The following CDH4 variants were observed in gnomAD, a reference collection of about 807,000 sequenced individuals.
The protein encoded by CDH4 is cadherin 4.
CDH4 carries 33 observed loss-of-function variants against 86.0 expected under a neutral mutation model. The ratio of observed to expected loss-of-function variants is 0.38; its 90% confidence interval spans 0.29 to 0.51. The LOEUF is 0.51. Among genes scored for constraint, CDH4 ranks in the 20% least tolerant of loss-of-function variants. CDH4 has a pLI of 0.86. For synonymous variants in CDH4, 555 were observed against 549.4 expected (o/e 1.01, Z -0.14); for missense variants, 1,114 against 1,307.4 (o/e 0.85, Z 2.28).
chr20:61,259,933 A>T (rs1465136067), intron 2 of CDH4, among the ~76,000 whole-genome samples: 1 of 152,164 alleles, frequency 6.6e-6, no homozygotes. Flanking sequence ...CTCAGATGTG[A>T]TGGCTGAGGG....
chr20:61,681,777 G>A lies in CDH4; in HGVS notation c.170-61786G>A, dbSNP rs956172644. ...TCGGTGTTGCTGTGTTCTCAGGCCCGTGCAGCTGACATTCCTTTGGCTTCC... is the reference window on the plus strand; with the variant it reads ...TCGGTGTTGCTGTGTTCTCAGGCCCATGCAGCTGACATTCCTTTGGCTTCC... On this transcript the variant is annotated intron_variant, in intron 2 of 15. Transcript: ENST00000614565. The surrounding 1 kb of genome is among the most constrained non-coding windows in gnomAD (Gnocchi z 4.5). Among the ~76,000 whole-genome samples the A allele has an allele frequency of 2.0e-5, 3 of 152,214 alleles. No individual in the cohort carries two copies. Among genetic ancestry groups the A allele is most frequent in the Admixed American group, 6.5e-5 (1 of 15,282 alleles).
chr20:61,798,291 A>C (rs1979652089), intron 4 of CDH4, among the ~76,000 whole-genome samples: 2 of 151,080 alleles, frequency 1.3e-5, no homozygotes, highest in Non-Finnish European at 2.9e-5. Context: ...CCCGCCTCGC[A>C]CGCATCCCCG....
chr20:61,694,020 G>A (rs1369812960), intron 2 of CDH4, among the ~76,000 whole-genome samples: 2 of 150,764 alleles, frequency 1.3e-5, no homozygotes, highest in Non-Finnish European at 2.9e-5. Flanking sequence ...AGCCTCCCGA[G>A]TAGGTGGGAT....
At chr20:61,881,248 C>T (rs998698662) in intron 7 of CDH4, among the ~76,000 whole-genome samples, 3 of 152,196 alleles carry the variant, frequency 2.0e-5, no homozygotes, top group Non-Finnish European at 4.4e-5. Flanking sequence ...CACGTGCACA[C>T]GGGGTGATCT....
chr20:61,554,816 G>A (rs141379470), intron 2 of CDH4, among the ~76,000 whole-genome samples: 11 of 152,372 alleles, frequency 7.2e-5, no homozygotes, highest in South Asian at 6.2e-4. Flanking sequence ...ATGCACATGC[G>A]TGTGAGAGTA....
chr20:61,565,111 T>TC (rs2145693530), intron 2 of CDH4, among the ~76,000 whole-genome samples: 1 of 129,894 alleles, frequency 7.7e-6, no homozygotes, highest in Non-Finnish European at 1.7e-5. Context: ...CTCTTGGTGG[T>TC]GCTGGTGCTC....
intron 2 of CDH4, among the ~76,000 whole-genome samples, chr20:61,443,100 G>C (rs1339794460): frequency 1.3e-5 from 2 of 152,190 alleles, no homozygotes; most frequent in Non-Finnish European, 2.9e-5. Context: ...TCATTTGTTT[G>C]TTGTTTTTTA....
Position 61,269,077 on chromosome 20 carries a change from TGAG to T in CDH4, c.169+14142_169+14144del, listed in dbSNP as rs1414163808. On this transcript the variant is annotated intron_variant, in intron 2 of 15. Coordinates refer to ENST00000614565, the MANE Select transcript of CDH4 (RefSeq NM_001794.5). The surrounding 1 kb of genome is among the most constrained non-coding windows in gnomAD (Gnocchi z 5.3). ...GGTGGTCCTGGGGCTCGGCCCCACT[TGAG>T]GGGTTAACAGCACCACTGTCTGTTG... Among the ~76,000 whole-genome samples, 7 of 152,162 alleles carry T rather than the reference TGAG, an allele frequency of 4.6e-5. No homozygotes were observed. Among genetic ancestry groups the T allele is most frequent in the Non-Finnish European group, 1.0e-4 (7 of 68,024 alleles).
At chr20:61,492,696 A>G (rs191828962) in intron 2 of CDH4, among the ~76,000 whole-genome samples, 44 of 152,324 alleles carry the variant, frequency 2.9e-4, no homozygotes, top group Non-Finnish European at 5.3e-4. Flanking sequence ...TGGAGCTCAC[A>G]GTCTGGGGTG....
intron 4 of CDH4, among the ~76,000 whole-genome samples, chr20:61,816,846 TC>T (rs2146056753): frequency 6.6e-6 from 1 of 152,234 alleles, no homozygotes; most frequent in South Asian, 2.1e-4. Flanking sequence ...CTCGCCCGCA[TC>T]CCCATCCCCC....
At chr20:61,646,291 T>C (rs1434171509) in intron 2 of CDH4, among the ~76,000 whole-genome samples, 1 of 152,158 alleles carries the variant, frequency 6.6e-6, no homozygotes, top group Non-Finnish European at 1.5e-5. Context: ...CCCCAGGCCT[T>C]CACACACTGG....
At chr20:61,729,407 CT>C (rs1214635760) in intron 2 of CDH4, among the ~76,000 whole-genome samples, 1 of 152,208 alleles carries the variant, frequency 6.6e-6, no homozygotes, top group East Asian at 1.9e-4. Flanking sequence ...CTGCGGCCCC[CT>C]CTTCTGTATC....
At chr20:61,720,404 C>T (rs1299495124) in intron 2 of CDH4, among the ~76,000 whole-genome samples, 2 of 145,394 alleles carry the variant, frequency 1.4e-5, no homozygotes, top group Admixed American at 6.8e-5. Flanking sequence ...TGCAGGGGTG[C>T]GAAGTGTAAG....
At position 61,902,241 on chromosome 20, in the gene CDH4, G is replaced by A. The variant is rs1028790034; in HGVS notation, c.1188+7194G>A. On this transcript the variant is annotated intron_variant, in intron 8 of 15. Coordinates refer to ENST00000614565, the MANE Select transcript of CDH4 (RefSeq NM_001794.5). The surrounding 1 kb of genome is among the most constrained non-coding windows in gnomAD (Gnocchi z 4.6). ...GGGCAGGCAGCACAAACGGATGAAC[G>A]ATGCAGAGGCAGAAAAGGTCAAGCC... Among the ~76,000 whole-genome samples, 21 of 152,240 alleles carry A rather than the reference G, an allele frequency of 1.4e-4. No individual in the cohort carries two copies. Among genetic ancestry groups the A allele is most frequent in the African/African-American group, 4.6e-4 (19 of 41,468 alleles).
At chr20:61,559,049 T>TG (rs1338531405) in intron 2 of CDH4, among the ~76,000 whole-genome samples, 2 of 152,194 alleles carry the variant, frequency 1.3e-5, no homozygotes, top group African/African-American at 2.4e-5. Context: ...CCGGGCGCAG[T>TG]GGCTCACACC....
chr20:61,680,315 C>A (rs916985015), intron 2 of CDH4, among the ~76,000 whole-genome samples: 11 of 152,228 alleles, frequency 7.2e-5, no homozygotes, highest in African/African-American at 2.7e-4. Context: ...GCTGTGGGAC[C>A]CGCACTAGGG....
chr20:61,449,750 T>C (rs1219760239), intron 2 of CDH4, among the ~76,000 whole-genome samples: 1 of 152,242 alleles, frequency 6.6e-6, no homozygotes, highest in Non-Finnish European at 1.5e-5. Flanking sequence ...AGTGAAATTA[T>C]ACCAAATACT....
intron 2 of CDH4, among the ~76,000 whole-genome samples, chr20:61,270,550 C>T (rs1300029060): frequency 6.6e-6 from 1 of 152,144 alleles, no homozygotes; most frequent in Non-Finnish European, 1.5e-5. Flanking sequence ...GTGCTGGACA[C>T]TTAAGGACTG....
At chr20:61,357,029 A>G (rs900178723) in intron 2 of CDH4, among the ~76,000 whole-genome samples, 1 of 152,168 alleles carries the variant, frequency 6.6e-6, no homozygotes, top group Non-Finnish European at 1.5e-5. Context: ...GTTAGGGTCA[A>G]CCATGCTGGT....
Sources: gnomAD v4.1 joint callset for allele counts (sites outside exome capture counted in the v4.1 genomes callset) on GRCh38, gnomAD v4.1.1 for gene constraint, Gnocchi (gnomAD v3.1) non-coding constraint, MANE v1.5 for transcripts, NCBI Gene and HGNC (gene_info 2026-07-23, HGNC 2026-07-21) for gene names.